The following TENT5D variants were observed in gnomAD, a reference collection of about 807,000 sequenced individuals.
The protein encoded by TENT5D is terminal nucleotidyltransferase 5D.
For missense variants in TENT5D, 191 were observed against 287.0 expected (o/e 0.67, Z 2.42); for synonymous variants, 103 against 100.6 (o/e 1.02, Z -0.15).
intron 3 of TENT5D, among the ~76,000 whole-genome samples, chrX:80,393,386 C>G (rs1208427572): frequency 9.1e-6 from 1 of 110,360 alleles, no homozygotes; most frequent in African/African-American, 3.3e-5. Flanking sequence ...TCCCGTTTCT[C>G]TCCCCTCCCA....
At chrX:80,385,998 T>G (rs1344080690) in intron 3 of TENT5D, among the ~76,000 whole-genome samples, 3 of 112,190 alleles carry the variant, frequency 2.7e-5, no homozygotes, top group African/African-American at 6.5e-5. Flanking sequence ...GTTCAACCAT[T>G]GTGGAAGTCA....
chrX:80,415,511 G>C, upstream of TENT5D, among the ~76,000 whole-genome samples: 2 of 111,566 alleles, frequency 1.8e-5, no homozygotes, highest in Non-Finnish European at 3.8e-5. Flanking sequence ...TAACATAAAT[G>C]GATGTTAAAT....
exon 3 of TENT5D, chrX:80,443,857 A>G (rs1932337259): frequency 1.9e-6 from 1 of 517,274 alleles, no homozygotes; most frequent in Middle Eastern, 5.1e-4. Context: ...GTTACCAACT[A>G]TTTTTGATCA....
chrX:80,436,887 A>G (rs977305318), intron 1 of TENT5D, among the ~76,000 whole-genome samples: 4 of 111,898 alleles, frequency 3.6e-5, no homozygotes, highest in Admixed American at 2.9e-4. Context: ...CTATTGGTAC[A>G]GAGATCACTT....
intron 2 of TENT5D, among the ~76,000 whole-genome samples, chrX:80,337,189 G>T (rs1461048525): frequency 9.0e-6 from 1 of 111,646 alleles, no homozygotes; most frequent in African/African-American, 3.2e-5. Context: ...AAAAAGGAAA[G>T]AAAATATAAC....
At chrX:80,415,515 G>A (rs895779074), upstream of TENT5D, among the ~76,000 whole-genome samples, 2 of 111,684 alleles carry the variant, frequency 1.8e-5, no homozygotes, top group African/African-American at 6.5e-5. Context: ...ATAAATGGAT[G>A]TTAAATTTTA....
chrX:80,365,572 G>C (rs62606105), intron 3 of TENT5D, among the ~76,000 whole-genome samples: 14,478 of 110,821 alleles, frequency 0.13, 754 homozygotes, highest in South Asian at 0.38. Context: ...CAAGCTCGGT[G>C]GCTTATGCCT....
chrX:80,432,091 G>A (rs1260411884), intron 1 of TENT5D, among the ~76,000 whole-genome samples: 1 of 110,715 alleles, frequency 9.0e-6, no homozygotes, highest in East Asian at 2.8e-4. Context: ...ACTTTGCCCA[G>A]TAAGACTATA....
At chrX:80,383,717 A>C (rs900793644) in intron 3 of TENT5D, among the ~76,000 whole-genome samples, 1 of 111,228 alleles carries the variant, frequency 9.0e-6, no homozygotes, top group African/African-American at 3.3e-5. Context: ...TTAGCCGGGC[A>C]TGGTGGTGGG....
chrX:80,430,298 T>C (rs1052141145), intron 1 of TENT5D, among the ~76,000 whole-genome samples: 1 of 111,581 alleles, frequency 9.0e-6, no homozygotes, highest in African/African-American at 3.3e-5. Context: ...ACCATGTCCA[T>C]TGGTCATTTC....
intron 3 of TENT5D, among the ~76,000 whole-genome samples, chrX:80,390,974 T>C: frequency 8.9e-6 from 1 of 112,148 alleles, no homozygotes; most frequent in Non-Finnish European, 1.9e-5. Context: ...AGAACAACTA[T>C]GAAACAGAAG....
upstream of TENT5D, among the ~76,000 whole-genome samples, chrX:80,415,810 G>C (rs779804225): frequency 8.9e-6 from 1 of 111,800 alleles, no homozygotes; most frequent in Admixed American, 9.5e-5. Flanking sequence ...TGGCCTCATA[G>C]AATGAGTTAG....
chrX:80,397,578 T>C (rs369736188), intron 3 of TENT5D, among the ~76,000 whole-genome samples: 4 of 110,750 alleles, frequency 3.6e-5, no homozygotes, highest in African/African-American at 9.9e-5. Flanking sequence ...CCAAGGCAGG[T>C]GGCTGGGAGG....
At chrX:80,392,541 G>A (rs942509388) in intron 3 of TENT5D, among the ~76,000 whole-genome samples, 1 of 63,217 alleles carries the variant, frequency 1.6e-5, no homozygotes, top group Non-Finnish European at 2.5e-5. Context: ...ACGGAGTCTC[G>A]CTCTGTCGCC....
chrX:80,339,368 C>T (rs1316104922), intron 2 of TENT5D, among the ~76,000 whole-genome samples: 2 of 111,036 alleles, frequency 1.8e-5, no homozygotes, highest in Non-Finnish European at 3.8e-5. Context: ...TGAGAGAGGT[C>T]GAAACTGAGG....
chrX:80,403,048 C>G (rs898228222), intron 3 of TENT5D, among the ~76,000 whole-genome samples: 1 of 111,852 alleles, frequency 8.9e-6, no homozygotes. Context: ...TTATTTATAA[C>G]GTCCCTATGA....
At chrX:80,400,831 GA>G (rs1931376529) in intron 3 of TENT5D, among the ~76,000 whole-genome samples, 1 of 111,846 alleles carries the variant, frequency 8.9e-6, no homozygotes, top group African/African-American at 3.2e-5. Flanking sequence ...GGTATAGTTT[GA>G]AATCAGGTAG....
At chrX:80,404,097 G>T (rs975303814) in intron 3 of TENT5D, among the ~76,000 whole-genome samples, 1 of 111,323 alleles carries the variant, frequency 9.0e-6, no homozygotes, top group Non-Finnish European at 1.9e-5. Context: ...ACACAATTTC[G>T]TCTGGTTCAG....
At chrX:80,343,179 T>TTAG (rs1213452383) in intron 3 of TENT5D, among the ~76,000 whole-genome samples, 1 of 111,337 alleles carries the variant, frequency 9.0e-6, no homozygotes, top group Admixed American at 9.6e-5. Flanking sequence ...TGCTCAGATA[T>TTAG]TACATGTTTC....
Sources: gnomAD v4.1 joint callset for allele counts (sites outside exome capture counted in the v4.1 genomes callset) on GRCh38, gnomAD v4.1.1 for gene constraint, MANE v1.5 for transcripts, NCBI Gene and HGNC (gene_info 2026-07-23, HGNC 2026-07-21) for gene names.